SPEF2: variants seen among roughly 807,000 people sequenced by gnomAD.
SPEF2 encodes the protein sperm flagellar and cilia associated 2.
Under a neutral mutation model 224.6 loss-of-function variants are expected in SPEF2, and 187 were observed. The ratio of observed to expected loss-of-function variants is 0.83; its 90% confidence interval spans 0.74 to 0.94. The LOEUF is 0.94. SPEF2 is among the 40% of genes least tolerant of loss of function. The probability of loss-of-function intolerance (pLI) is 0.00; values close to 1 mark genes in which losing one functional copy is unlikely to be tolerated. For missense variants in SPEF2, 2,170 were observed against 2,135.6 expected, an observed-to-expected ratio of 1.02 and a Z score of -0.32; for synonymous variants, 715 against 707.3, an observed-to-expected ratio of 1.01 and a Z score of -0.17.
intron 13 of SPEF2, among the ~76,000 whole-genome samples, chr5:35,695,359 G>A (rs1157226879): frequency 6.6e-6 from 1 of 151,062 alleles, no homozygotes; most frequent in East Asian, 1.9e-4. Context: ...GGTAATCCAG[G>A]AAAATAAAAG....
chr5:35,786,048 C>T (rs557677006), intron 30 of SPEF2, among the ~76,000 whole-genome samples: 23 of 152,202 alleles, frequency 1.5e-4, no homozygotes, highest in African/African-American at 5.1e-4. Flanking sequence ...GCTGAATGAT[C>T]TAGCTTAACC....
chr5:35,788,693 A>T, intron 30 of SPEF2: 1 of 703,042 alleles, frequency 1.4e-6, no homozygotes, highest in Non-Finnish European at 2.6e-6. Context: ...TACCCATAGC[A>T]TAGAGGGAGA....
chr5:35,703,528 C>T (rs1294436552), intron 16 of SPEF2, among the ~76,000 whole-genome samples: 1 of 151,474 alleles, frequency 6.6e-6, no homozygotes, highest in Non-Finnish European at 1.5e-5. Context: ...TCAGGGTGAT[C>T]ACAAAATTCA....
At chr5:35,795,188 C>T (rs1353984898) in intron 32 of SPEF2, among the ~76,000 whole-genome samples, 7 of 151,978 alleles carry the variant, frequency 4.6e-5, no homozygotes, top group Admixed American at 3.3e-4. Flanking sequence ...AAGAGGTCAC[C>T]GAGATCTTGA....
At chr5:35,786,776 A>C (rs1046795230) in intron 30 of SPEF2, among the ~76,000 whole-genome samples, 3 of 152,224 alleles carry the variant, frequency 2.0e-5, no homozygotes, top group African/African-American at 7.2e-5. Flanking sequence ...TGAAATCATG[A>C]AAACCAATTA....
chr5:35,771,819 C>T, intron 27 of SPEF2, 63 bp downstream of exon 27: 1 of 1,529,336 alleles, frequency 6.5e-7, no homozygotes, highest in Non-Finnish European at 8.8e-7. Context: ...AGAAAACGAG[C>T]ATTTAACTGG....
At chr5:35,756,743 T>A (rs1750505590) in intron 24 of SPEF2, among the ~76,000 whole-genome samples, 1 of 152,244 alleles carries the variant, frequency 6.6e-6, no homozygotes, top group Non-Finnish European at 1.5e-5. Flanking sequence ...GACTCTGTGA[T>A]CAAATGACTT....
At chr5:35,775,494 G>A (rs1254803811) in intron 28 of SPEF2, among the ~76,000 whole-genome samples, 1 of 152,132 alleles carries the variant, frequency 6.6e-6, no homozygotes, top group Admixed American at 6.5e-5. Context: ...CTGGGAAGGA[G>A]CGACTTGGGA....
chr5:35,695,731 C>T lies in SPEF2; in HGVS notation c.1976-4C>T, dbSNP rs773779985. On this transcript the variant is annotated splice_region_variant and splice_polypyrimidine_tract_variant and intron_variant, in intron 13 of 36. Transcript: ENST00000356031. The stretch of plus-strand genomic sequence containing the variant: ...TTTGTTCTTACCACTTTTCCTATTG[C>T]TAGGTGCTAATGCTGATAAAACACC... 6.2e-7 allele frequency: 1 copy of T among 1,605,586 alleles called. No homozygotes were observed. Among genetic ancestry groups the T allele is most frequent in the Non-Finnish European group, 8.5e-7 (1 of 1,176,106 alleles).
intron 30 of SPEF2, among the ~76,000 whole-genome samples, chr5:35,786,665 A>C (rs1199764218): frequency 1.3e-5 from 2 of 152,224 alleles, no homozygotes; most frequent in Non-Finnish European, 2.9e-5. Context: ...CATCTCAAAA[A>C]AAAACAAAAA....
At chr5:35,676,393 A>G (rs1752015068) in intron 10 of SPEF2, among the ~76,000 whole-genome samples, 1 of 152,162 alleles carries the variant, frequency 6.6e-6, no homozygotes, top group African/African-American at 2.4e-5. Context: ...ATTCCTCGGA[A>G]TTACCAGCTA....
chr5:35,788,410 A>T, intron 30 of SPEF2: 1 of 702,704 alleles, frequency 1.4e-6, no homozygotes, highest in Non-Finnish European at 2.6e-6. Context: ...AAGTAGAACG[A>T]AAAAATCTAA....
chr5:35,739,123 A>G (rs1205566166), intron 21 of SPEF2, among the ~76,000 whole-genome samples: 1 of 152,180 alleles, frequency 6.6e-6, no homozygotes, highest in Admixed American at 6.5e-5. Context: ...TTGAATTTTG[A>G]ATTTCAAAAT....
intron 17 of SPEF2, among the ~76,000 whole-genome samples, chr5:35,705,259 C>T (rs550562580): frequency 6.6e-6 from 1 of 152,126 alleles, no homozygotes; most frequent in Non-Finnish European, 1.5e-5. Flanking sequence ...TCTATACTTA[C>T]TCAAAGATCT....
rs1000919136 is a variant in SPEF2 at position 35,660,170 on chromosome 5, A to G, written c.1167+963A>G. Among the ~76,000 whole-genome samples the G allele has an allele frequency of 2.9e-4, 44 of 152,116 alleles. 1 individual carries two copies. The highest frequency in any genetic ancestry group is 9.9e-4 in the African/African-American group (41 of 41,420). On this transcript the variant is annotated intron_variant, in intron 8 of 36. Coordinates refer to ENST00000356031, the MANE Select transcript of SPEF2 (RefSeq NM_024867.4). ...GTATATGTGAGTTCTAGTAAAAAAA[A>G]ATAGATTGATTTTATTAATGGAGTA...
In SPEF2 at chr5:35,694,315, C is replaced by G. The variant is rs1754970856; in HGVS notation, c.1927C>G (p.Pro643Ala). Reference sequence around the variant, plus strand: ...TCCACAACATGTATTTTCAGCTGGTCCAGTTTCAGATGAAGTATTACCAGA... The same window carrying G: ...TCCACAACATGTATTTTCAGCTGGTGCAGTTTCAGATGAAGTATTACCAGA... ...QDPQHVFSAG[P>A]VSDEVLPETE... Residue 643 changes from proline (P) to alanine (A), a missense_variant, in exon 13 of 37, where the codon CCA becomes GCA. By Grantham distance (27) the Pro-to-Ala change is conservative (BLOSUM62 -1). Transcript: ENST00000356031. 6.2e-7 allele frequency: 1 copy of G among 1,613,506 alleles called. No individual in the cohort carries two copies. Among genetic ancestry groups the G allele is most frequent in the Non-Finnish European group, 8.5e-7 (1 of 1,179,718 alleles).
At chr5:35,690,756 T>C (rs1754335524) in intron 10 of SPEF2, among the ~76,000 whole-genome samples, 1 of 152,168 alleles carries the variant, frequency 6.6e-6, no homozygotes, top group African/African-American at 2.4e-5. Context: ...TCAATTTAAA[T>C]GTCTTAATGT....
Position 35,759,621 on chromosome 5 carries a change from G to A in SPEF2, c.3522G>A (p.Trp1174Ter), listed in dbSNP as rs772058333. ...AGAGACTCCTTCAAGATTATTACTG[G>A]GGAATGGAAAGTAAAATCCCAGTAG... ...DTKRLLQDYY[W>*]GMESKIPVED... The change falls in exon 25 of 37, where the codon TGG (tryptophan) becomes TGA (stop). Residue 1174 changes from tryptophan to a stop codon, truncating the protein, a stop_gained. Transcript: ENST00000356031. LOFTEE classifies it high-confidence loss of function. 1.2e-6 allele frequency: 2 copies of A among 1,611,576 alleles called. No individual in the cohort carries two copies. Among genetic ancestry groups the A allele is most frequent in the East Asian group, 2.2e-5 (1 of 44,784 alleles).
intron 10 of SPEF2, chr5:35,683,975 T>C (rs1267950595): frequency 6.6e-6 from 1 of 152,214 alleles, no homozygotes; most frequent in Non-Finnish European, 1.5e-5. Context: ...CCATGTGATA[T>C]TTACCTGGTT....
Sources: allele counts gnomAD v4.1 joint callset (sites outside exome capture counted in the v4.1 genomes callset), GRCh38; gene constraint gnomAD v4.1.1; transcripts MANE v1.5; gene names NCBI Gene and HGNC (gene_info 2026-07-23, HGNC 2026-07-21).